CTNNA3: variants seen among roughly 807,000 people sequenced by gnomAD.
The protein encoded by CTNNA3 is catenin alpha-3.
In CTNNA3, 76 loss-of-function variants were observed where a neutral mutation model predicts 95.7. The ratio of observed to expected loss-of-function variants is 0.79; its 90% CI spans 0.66 to 0.96. CTNNA3 has a LOEUF of 0.96. Ranked by LOEUF, CTNNA3 falls within the 40% of genes least tolerant of loss-of-function variation. The probability of loss-of-function intolerance (pLI) is 0.00; values close to 1 mark genes in which losing one functional copy is unlikely to be tolerated. For synonymous variants in CTNNA3, 431 were observed against 374.4 expected (o/e 1.15, Z -1.74); for missense variants, 1,191 against 1,089.8 (o/e 1.09, Z -1.31).
intron 11 of CTNNA3, among the ~76,000 whole-genome samples, chr10:66,510,828 C>G (rs148865669): frequency 6.6e-6 from 1 of 151,906 alleles, no homozygotes; most frequent in African/African-American, 2.4e-5. Flanking sequence ...CTATCTTCAT[C>G]AGACATATTG....
At chr10:67,514,412 A>G (rs549764234) in intron 5 of CTNNA3, among the ~76,000 whole-genome samples, 1 of 152,338 alleles carries the variant, frequency 6.6e-6, no homozygotes, top group South Asian at 2.1e-4. Flanking sequence ...ATCTTAAACC[A>G]CCAAAAGTCA....
chr10:67,262,153 A>C (rs1866642622), intron 5 of CTNNA3, among the ~76,000 whole-genome samples: 1 of 152,184 alleles, frequency 6.6e-6, no homozygotes, highest in Non-Finnish European at 1.5e-5. Context: ...GAGAAGAGAA[A>C]AGGCATAATT....
intron 12 of CTNNA3, among the ~76,000 whole-genome samples, chr10:66,288,969 C>CA (rs2091635156): frequency 1.3e-5 from 2 of 151,900 alleles, no homozygotes; most frequent in African/African-American, 2.4e-5. Flanking sequence ...TACTTAACAA[C>CA]AAAAAACATA....
chr10:66,610,767 C>G (rs973965940), intron 10 of CTNNA3, among the ~76,000 whole-genome samples: 2 of 152,028 alleles, frequency 1.3e-5, no homozygotes, highest in African/African-American at 4.8e-5. Context: ...CCAGCAATCC[C>G]AATGCTGGAT....
At chr10:67,667,126 A>C (rs145941458) in intron 1 of CTNNA3, among the ~76,000 whole-genome samples, 1 of 152,268 alleles carries the variant, frequency 6.6e-6, no homozygotes, top group East Asian at 1.9e-4. Flanking sequence ...TATTTGCTAA[A>C]TTTTCATTAT....
intron 7 of CTNNA3, among the ~76,000 whole-genome samples, chr10:66,778,908 G>A (rs1221145886): frequency 1.3e-5 from 2 of 151,926 alleles, no homozygotes; most frequent in African/African-American, 2.4e-5. Flanking sequence ...CCCAGGAGGC[G>A]GAAGTTGCAG....
chr10:67,489,870 C>T (rs1848587750), intron 5 of CTNNA3, among the ~76,000 whole-genome samples: 1 of 150,640 alleles, frequency 6.6e-6, no homozygotes. Flanking sequence ...ACATGTTGAG[C>T]TTGAAAAGCC....
intron 9 of CTNNA3, among the ~76,000 whole-genome samples, chr10:66,651,324 G>T (rs772966464): frequency 5.3e-5 from 8 of 152,092 alleles, no homozygotes; most frequent in Non-Finnish European, 1.0e-4. Context: ...AGTGCTGATT[G>T]GGTGCATATA....
Position 66,063,343 on chromosome 10 carries a change from G to A in CTNNA3, c.2159+5965C>T, listed in dbSNP as rs181987311. 3.1e-3 allele frequency among the ~76,000 whole-genome samples: 453 copies of A among 146,342 alleles called. 2 individuals carry two copies. The highest frequency in any genetic ancestry group is 0.011 in the African/African-American group (432 of 39,880). ...ATAATATATATATATATTCCTAGTC[G>A]ATTACCTTTTATATATCAAGATCTG... is the stretch of plus-strand genomic sequence containing the variant. On this transcript the variant is annotated intron_variant, in intron 15 of 17. Transcript: ENST00000433211.
chr10:66,109,209 C>A (rs1213283101), intron 13 of CTNNA3, among the ~76,000 whole-genome samples: 2 of 152,170 alleles, frequency 1.3e-5, no homozygotes, highest in Admixed American at 6.5e-5. Flanking sequence ...TGGGCTGGGA[C>A]AATGGATGTC....
intron 8 of CTNNA3, among the ~76,000 whole-genome samples, chr10:66,771,758 C>A (rs143079073): frequency 6.6e-6 from 1 of 152,044 alleles, no homozygotes; most frequent in East Asian, 1.9e-4. Context: ...TGGTAGAGAG[C>A]TTTGCAAAGC....
intron 13 of CTNNA3, among the ~76,000 whole-genome samples, chr10:66,142,203 C>G (rs549146877): frequency 6.6e-6 from 1 of 152,026 alleles, no homozygotes; most frequent in African/African-American, 2.4e-5. Flanking sequence ...TGTCTAAATT[C>G]TTTTCATTTG....
At chr10:67,724,569 G>A (rs1841198253) in intron 1 of CTNNA3, among the ~76,000 whole-genome samples, 1 of 151,874 alleles carries the variant, frequency 6.6e-6, no homozygotes, top group South Asian at 2.1e-4. Context: ...GAGCCCACAT[G>A]TGCATATCCA....
intron 16 of CTNNA3, among the ~76,000 whole-genome samples, chr10:65,985,327 T>G (rs1326459732): frequency 6.6e-6 from 1 of 151,136 alleles, no homozygotes; most frequent in Non-Finnish European, 1.5e-5. Context: ...ATAAAAGCCA[T>G]GAAATAATAT....
At chr10:67,168,242 C>T (rs1206645057) in intron 7 of CTNNA3, among the ~76,000 whole-genome samples, 1 of 152,128 alleles carries the variant, frequency 6.6e-6, no homozygotes, top group Non-Finnish European at 1.5e-5. Flanking sequence ...GAGACTATTC[C>T]TTAAAATTCA....
intron 12 of CTNNA3, among the ~76,000 whole-genome samples, chr10:66,369,975 G>A (rs1373645642): frequency 6.6e-6 from 1 of 152,128 alleles, no homozygotes; most frequent in Non-Finnish European, 1.5e-5. Flanking sequence ...TAGTTGGGAA[G>A]AGGGTGGGGA....
chr10:65,942,397 G>A lies in CTNNA3; in HGVS notation c.2401-21780C>T, dbSNP rs1461053754. 2.0e-5 allele frequency among the ~76,000 whole-genome samples: 3 copies of A among 152,088 alleles called. No individual in the cohort carries two copies. The East Asian group carries it at 5.8e-4, about 29-fold the overall frequency. ...CAAAAATTAGCCAGGTGTGGTGGCA[G>A]GTGCCTATAGTGTCCCAACTACTCG... On this transcript the variant is annotated intron_variant, in intron 17 of 17. Transcript: ENST00000433211.
intron 10 of CTNNA3, among the ~76,000 whole-genome samples, chr10:66,530,502 C>T (rs1841428861): frequency 6.6e-6 from 1 of 152,074 alleles, no homozygotes. Flanking sequence ...TTCTATTTTA[C>T]CTGCTCTCAT....
At chr10:66,713,297 T>C (rs1848352423) in intron 9 of CTNNA3, among the ~76,000 whole-genome samples, 2 of 152,130 alleles carry the variant, frequency 1.3e-5, no homozygotes, top group Non-Finnish European at 2.9e-5. Context: ...TCACTTCCCA[T>C]CTCTCCTAAT....
Sources: gnomAD v4.1 joint callset for allele counts (sites outside exome capture counted in the v4.1 genomes callset) on GRCh38, gnomAD v4.1.1 for gene constraint, MANE v1.5 for transcripts, NCBI Gene and HGNC (gene_info 2026-07-23, HGNC 2026-07-21) for gene names.